GRIA4: variants seen among roughly 807,000 people sequenced by gnomAD.
GRIA4 encodes the protein glutamate ionotropic receptor AMPA type subunit 4.
Under a neutral mutation model 104.0 loss-of-function variants are expected in GRIA4, and 34 were observed. That is an observed-to-expected ratio of 0.33 (90% CI 0.25 to 0.44). The LOEUF is 0.44. GRIA4 is among the 20% of genes least tolerant of loss of function. GRIA4 has a pLI of 1.00. For synonymous variants in GRIA4, 386 were observed against 381.9 expected, an observed-to-expected ratio of 1.01 and a Z score of -0.13; for missense variants, 750 against 1,096.5, an observed-to-expected ratio of 0.68 and a Z score of 4.46.
chr11:105,763,307 T>C (rs1484727313), intron 4 of GRIA4, among the ~76,000 whole-genome samples: 1 of 152,072 alleles, frequency 6.6e-6, no homozygotes, highest in Non-Finnish European at 1.5e-5. Flanking sequence ...GCACGTGGGA[T>C]GGTATGGACG....
chr11:105,807,706 T>G (rs890542903), intron 4 of GRIA4, among the ~76,000 whole-genome samples: 2 of 151,820 alleles, frequency 1.3e-5, no homozygotes, highest in Non-Finnish European at 2.9e-5. Flanking sequence ...TCTGAGAAGT[T>G]GTTTGCTTGT....
At chr11:105,900,631 G>A (rs1946820346) in intron 7 of GRIA4, among the ~76,000 whole-genome samples, 1 of 152,038 alleles carries the variant, frequency 6.6e-6, no homozygotes, top group African/African-American at 2.4e-5. Context: ...CCGTCACCCA[G>A]GCTGGAGTGC....
intron 4 of GRIA4, among the ~76,000 whole-genome samples, chr11:105,784,350 T>C (rs1285587489): frequency 6.6e-6 from 1 of 152,228 alleles, no homozygotes; most frequent in Non-Finnish European, 1.5e-5. Flanking sequence ...TGTAAATCCC[T>C]CATCATTTCT....
At chr11:105,891,920 T>C (rs933550034) in intron 6 of GRIA4, among the ~76,000 whole-genome samples, 1 of 152,160 alleles carries the variant, frequency 6.6e-6, no homozygotes, top group African/African-American at 2.4e-5. Flanking sequence ...CTCCTGCTTA[T>C]CCTCTAGCAC....
intron 4 of GRIA4, among the ~76,000 whole-genome samples, chr11:105,790,474 A>G (rs976367239): frequency 3.3e-5 from 5 of 152,068 alleles, no homozygotes; most frequent in South Asian, 2.1e-4. Flanking sequence ...GTCTTCTCCC[A>G]TGCAGCTAAA....
chr11:105,815,127 G>T (rs1390047348), intron 4 of GRIA4, among the ~76,000 whole-genome samples: 1 of 152,124 alleles, frequency 6.6e-6, no homozygotes, highest in Non-Finnish European at 1.5e-5. Context: ...ACAGAGTCCT[G>T]ACAACAGTAT....
intron 5 of GRIA4, among the ~76,000 whole-genome samples, chr11:105,873,480 G>A (rs1003631409): frequency 5.4e-4 from 82 of 152,220 alleles, no homozygotes; most frequent in African/African-American, 1.8e-3. Flanking sequence ...TCTGGTTCTA[G>A]ATCCTTGAGG....
At chr11:105,856,620 T>C (rs1434491091) in intron 4 of GRIA4, among the ~76,000 whole-genome samples, 2 of 152,134 alleles carry the variant, frequency 1.3e-5, no homozygotes, top group Non-Finnish European at 2.9e-5. Flanking sequence ...TGACTGTCCA[T>C]AGGTCCAAGT....
chr11:105,624,832 A>G (rs908497968), intron 3 of GRIA4, among the ~76,000 whole-genome samples: 9 of 152,110 alleles, frequency 5.9e-5, no homozygotes, highest in African/African-American at 2.2e-4. Context: ...CTATTTAGTA[A>G]TAACATTACT....
At chr11:105,973,886 A>G (rs1858830031) in intron 15 of GRIA4, among the ~76,000 whole-genome samples, 1 of 152,148 alleles carries the variant, frequency 6.6e-6, no homozygotes, top group African/African-American at 2.4e-5. Context: ...TCAAACATTA[A>G]AAGTATATTC....
At chr11:105,654,365 A>T (rs2135392397) in intron 3 of GRIA4, among the ~76,000 whole-genome samples, 1 of 152,242 alleles carries the variant, frequency 6.6e-6, no homozygotes, top group East Asian at 1.9e-4. Context: ...GAAAAAAAAA[A>T]AGGTATGTAA....
At chr11:105,715,755 G>A (rs1452408352) in intron 3 of GRIA4, among the ~76,000 whole-genome samples, 4 of 152,126 alleles carry the variant, frequency 2.6e-5, no homozygotes, top group Non-Finnish European at 5.9e-5. Context: ...CAATGGGGTT[G>A]GGGTTTCTCT....
intron 3 of GRIA4, among the ~76,000 whole-genome samples, chr11:105,628,356 T>A (rs1052610136): frequency 1.4e-4 from 21 of 152,294 alleles, no homozygotes; most frequent in Admixed American, 7.2e-4. Flanking sequence ...TGTACATATA[T>A]AATATATACA....
intron 4 of GRIA4, among the ~76,000 whole-genome samples, chr11:105,766,502 T>C (rs1940949747): frequency 1.3e-5 from 2 of 152,214 alleles, no homozygotes; most frequent in African/African-American, 2.4e-5. Context: ...TTTGGAATAA[T>C]TGCAATGTAG....
intron 4 of GRIA4, among the ~76,000 whole-genome samples, chr11:105,859,161 C>T (rs1382826230): frequency 1.3e-5 from 2 of 152,010 alleles, no homozygotes; most frequent in East Asian, 3.8e-4. Context: ...ATATTTCCAG[C>T]TATGTTAGCA....
At chr11:105,737,559 T>C (rs1392077770) in intron 3 of GRIA4, among the ~76,000 whole-genome samples, 1 of 152,164 alleles carries the variant, frequency 6.6e-6, no homozygotes, top group Non-Finnish European at 1.5e-5. Context: ...TTTGTCCTTT[T>C]TAAATTGACA....
At chr11:105,934,828 G>C (rs1947985273) in intron 14 of GRIA4, among the ~76,000 whole-genome samples, 1 of 152,094 alleles carries the variant, frequency 6.6e-6, no homozygotes, top group African/African-American at 2.4e-5. Flanking sequence ...CTGTTGAATT[G>C]ATGGGGCTGG....
chr11:105,955,143 C>A (rs575944921), intron 14 of GRIA4, among the ~76,000 whole-genome samples: 10 of 151,820 alleles, frequency 6.6e-5, no homozygotes, highest in African/African-American at 2.4e-4. Flanking sequence ...CTTTTTTTCT[C>A]CTTTTTTAAA....
intron 4 of GRIA4, among the ~76,000 whole-genome samples, chr11:105,758,385 A>T (rs1016992173): frequency 2.6e-5 from 4 of 152,160 alleles, no homozygotes; most frequent in African/African-American, 9.6e-5. Context: ...TGGTTATAAT[A>T]GTTTAGAAAT....
Sources: allele counts gnomAD v4.1 joint callset (sites outside exome capture counted in the v4.1 genomes callset), GRCh38; gene constraint gnomAD v4.1.1; transcripts MANE v1.5; gene names NCBI Gene and HGNC (gene_info 2026-07-23, HGNC 2026-07-21).